The following ENOX1 variants were observed in gnomAD, a reference collection of about 807,000 sequenced individuals.
ENOX1 encodes candidate growth-related and time keeping constitutive hydroquinone (NADH) oxidase.
In ENOX1, 42 loss-of-function variants were observed where a neutral mutation model predicts 82.5. The observed-to-expected ratio is 0.51, with a 90% confidence interval of 0.40 to 0.66. ENOX1 has a LOEUF of 0.66. ENOX1 is among the 30% of genes least tolerant of loss of function. The probability of loss-of-function intolerance (pLI) is 0.00; values close to 1 mark genes in which losing one functional copy is unlikely to be tolerated. For missense variants in ENOX1, 608 were observed against 811.6 expected, an observed-to-expected ratio of 0.75 and a Z score of 3.05; for synonymous variants, 271 against 282.2, an observed-to-expected ratio of 0.96 and a Z score of 0.40.
In ENOX1 at chr13:43,317,833, G is replaced by A. The variant is rs550483961; in HGVS notation, c.1261+4551C>T. 2.6e-3 allele frequency among the ~76,000 whole-genome samples: 389 copies of A among 151,848 alleles called. 2 individuals are homozygous for A. The highest frequency in any genetic ancestry group is 0.017 in the Middle Eastern group (5 of 294). Reference sequence around the variant, plus strand: ...ATCCTGGCTAACACGGTGAAACCCCGTCTCTACTAAAAATACAAAAAATTA... The same window carrying A: ...ATCCTGGCTAACACGGTGAAACCCCATCTCTACTAAAAATACAAAAAATTA... On this transcript the variant is annotated intron_variant, in intron 11 of 16. Transcript: ENST00000690772.
At chr13:43,630,879 A>G (rs1398347022) in intron 2 of ENOX1, among the ~76,000 whole-genome samples, 1 of 147,830 alleles carries the variant, frequency 6.8e-6, no homozygotes, top group Non-Finnish European at 1.5e-5. Flanking sequence ...ACACACATAT[A>G]TATACACATA....
intron 9 of ENOX1, among the ~76,000 whole-genome samples, chr13:43,335,335 ACAT>A (rs2048635861): frequency 6.6e-6 from 1 of 152,262 alleles, no homozygotes; most frequent in African/African-American, 2.4e-5. Flanking sequence ...AGTCAAGAAC[ACAT>A]CATCTCTGCT....
At chr13:43,733,247 C>A (rs2089442015) in intron 1 of ENOX1, among the ~76,000 whole-genome samples, 1 of 152,088 alleles carries the variant, frequency 6.6e-6, no homozygotes, top group Non-Finnish European at 1.5e-5. Context: ...ACAAGAACAA[C>A]CCCTGCCCCA....
chr13:43,541,761 A>G (rs1258554152), intron 2 of ENOX1, among the ~76,000 whole-genome samples: 2 of 152,250 alleles, frequency 1.3e-5, no homozygotes, highest in Non-Finnish European at 2.9e-5. Context: ...AAGCATTTCT[A>G]TTATACAACC....
At chr13:43,353,332 A>T (rs2049932902) in intron 8 of ENOX1, among the ~76,000 whole-genome samples, 1 of 152,246 alleles carries the variant, frequency 6.6e-6, no homozygotes, top group South Asian at 2.1e-4. Context: ...AATAAAGCTG[A>T]TTTTCAAAGA....
intron 1 of ENOX1, among the ~76,000 whole-genome samples, chr13:43,674,038 A>G (rs569699867): frequency 6.6e-6 from 1 of 152,298 alleles, no homozygotes; most frequent in East Asian, 1.9e-4. Context: ...TAATTCCCAG[A>G]CTCAGTGACT....
At chr13:43,609,671 CTTTT>C (rs1240475996) in intron 2 of ENOX1, among the ~76,000 whole-genome samples, 14 of 152,154 alleles carry the variant, frequency 9.2e-5, no homozygotes, top group Non-Finnish European at 1.9e-4. Context: ...GAAAAATGTT[CTTTT>C]GTTATTTGTA....
rs2041279728 is a variant in ENOX1 at position 43,213,502 on chromosome 13, A to C, written c.*488T>G. ...TTTTCTTTTGGTATGCTTTTCCCTC[A>C]CTGTAAAACTTTTTCTTTTTTCTTT... On this transcript the variant is annotated 3_prime_UTR_variant, in exon 17 of 17. Coordinates refer to ENST00000690772, the MANE Select transcript of ENOX1 (RefSeq NM_001347969.2). 7.3e-6 allele frequency: 1 copy of C among 137,016 alleles called. No homozygotes were observed. 8.5% of individuals were successfully genotyped at this position (137,016 alleles called of 1,614,324 possible). A position where few individuals can be genotyped will look rare whatever the true frequency, so the allele number is the denominator to read the frequency against.
At chr13:43,414,851 A>C (rs1322321093) in intron 3 of ENOX1, among the ~76,000 whole-genome samples, 3 of 152,196 alleles carry the variant, frequency 2.0e-5, no homozygotes, top group Non-Finnish European at 4.4e-5. Context: ...ATATCAGAGA[A>C]CATCCCTCTA....
intron 8 of ENOX1, among the ~76,000 whole-genome samples, chr13:43,345,650 A>G (rs563772157): frequency 1.3e-5 from 2 of 152,246 alleles, no homozygotes; most frequent in Non-Finnish European, 2.9e-5. Flanking sequence ...TGGAAGTTGT[A>G]TGTCAGTTGT....
At chr13:43,687,647 A>G (rs2086144827) in intron 1 of ENOX1, among the ~76,000 whole-genome samples, 1 of 152,152 alleles carries the variant, frequency 6.6e-6, no homozygotes, top group Non-Finnish European at 1.5e-5. Context: ...ATCACTTGAT[A>G]TTACCCTACA....
In ENOX1 at chr13:43,361,305, C is replaced by T; in HGVS notation, c.356G>A (p.Ser119Asn). Residue 119 changes from serine to asparagine, a missense_variant, in exon 6 of 17, where the codon AGC becomes AAC. Physicochemically the swap from Ser to Asn is conservative, Grantham distance 46. Coordinates refer to ENST00000690772, the MANE Select transcript of ENOX1 (RefSeq NM_001347969.2). ...TGGATTTTGAGGAAAAAGAGTACAG[C>T]TTTTGCAGTGGATTATTTCTTTGAC... ...AVVKEIIHCK[S>N]CTLFPQNPNL... The T allele has an allele frequency of 6.2e-7, 1 of 1,613,620 alleles. No individual in the cohort carries two copies. The highest frequency in any genetic ancestry group is 1.3e-5 in the African/African-American group (1 of 74,972).
chr13:43,396,654 T>C (rs2053171065), intron 5 of ENOX1, among the ~76,000 whole-genome samples: 1 of 152,180 alleles, frequency 6.6e-6, no homozygotes, highest in South Asian at 2.1e-4. Flanking sequence ...GTGCTGGGAT[T>C]ACAGGCATGA....
intron 12 of ENOX1, among the ~76,000 whole-genome samples, chr13:43,287,435 G>A (rs1003900488): frequency 6.6e-6 from 1 of 152,186 alleles, no homozygotes. Context: ...TGTGATGTAT[G>A]ATTTTATCGT....
chr13:43,432,819 CT>C (rs369047576), intron 3 of ENOX1, among the ~76,000 whole-genome samples: 1 of 151,772 alleles, frequency 6.6e-6, no homozygotes, highest in African/African-American at 2.4e-5. Context: ...TTATTTATTT[CT>C]TTTTTTTAAG....
intron 2 of ENOX1, among the ~76,000 whole-genome samples, chr13:43,664,353 C>T (rs1267591716): frequency 6.6e-6 from 1 of 152,058 alleles, no homozygotes; most frequent in Admixed American, 6.6e-5. Context: ...GTTCAAGGCA[C>T]CTGAGGTTTT....
At chr13:43,237,483 T>C (rs968084823) in intron 14 of ENOX1, among the ~76,000 whole-genome samples, 1 of 152,200 alleles carries the variant, frequency 6.6e-6, no homozygotes, top group Non-Finnish European at 1.5e-5. Flanking sequence ...CCTGCATATA[T>C]GGGATAGTAG....
At chr13:43,616,186 C>CTAGATATATATA (rs1566642235) in intron 2 of ENOX1, among the ~76,000 whole-genome samples, 3 of 6,966 alleles carry the variant, frequency 4.3e-4, no homozygotes, top group African/African-American at 5.5e-4. Flanking sequence ...ATCTATCTAT[C>CTAGATATATATA]TATATATATA....
At chr13:43,549,005 G>A (rs2079081606) in intron 2 of ENOX1, among the ~76,000 whole-genome samples, 4 of 152,002 alleles carry the variant, frequency 2.6e-5, no homozygotes, top group Non-Finnish European at 5.9e-5. Flanking sequence ...AGCCCTTTCT[G>A]ATCCTCCCAC....
Sources: allele counts gnomAD v4.1 joint callset (sites outside exome capture counted in the v4.1 genomes callset), GRCh38; gene constraint gnomAD v4.1.1; transcripts MANE v1.5; gene names NCBI Gene and HGNC (gene_info 2026-07-23, HGNC 2026-07-21).